PLEKHM3: variants seen among roughly 807,000 people sequenced by gnomAD.
PLEKHM3 encodes pleckstrin homology domain-containing family M member 3.
Under a neutral mutation model 81.8 loss-of-function variants are expected in PLEKHM3, and 45 were observed. The ratio of observed to expected loss-of-function variants is 0.55; its 90% CI spans 0.43 to 0.71. PLEKHM3 has a LOEUF of 0.71. PLEKHM3 is among the 30% of genes least tolerant of loss of function. PLEKHM3 has a pLI of 0.00. For synonymous variants in PLEKHM3, 352 were observed against 356.4 expected, an observed-to-expected ratio of 0.99 and a Z score of 0.14; for missense variants, 788 against 924.3, an observed-to-expected ratio of 0.85 and a Z score of 1.91.
Position 208,001,577 on chromosome 2 carries a change from AC to A in PLEKHM3, c.62del (p.Ser21IlefsTer7). The A allele has an allele frequency of 6.2e-7, 1 of 1,614,202 alleles. No individual in the cohort carries two copies. Among genetic ancestry groups the A allele is most frequent in the Non-Finnish European group, 8.5e-7 (1 of 1,180,028 alleles). Reference protein sequence around the residue: ...PALEVTEEFFSTLDSNLEKAV... With the variant: ...PALEVTEEFFXTLDSNLEKAV... Reference sequence around the variant, plus strand: ...CCTTTTCTAGATTACTATCCAAAGTACTAAAGAATTCCTCCGTAACTTCTAA... The same window carrying A: ...CCTTTTCTAGATTACTATCCAAAGTATAAAGAATTCCTCCGTAACTTCTAA... On this transcript the variant is annotated frameshift_variant, in exon 2 of 8. Coordinates refer to ENST00000427836, the MANE Select transcript of PLEKHM3 (RefSeq NM_001080475.3). LOFTEE classifies it high-confidence loss of function.
At position 207,865,795 on chromosome 2, in the gene PLEKHM3, A is replaced by T. The variant is rs1448258453; in HGVS notation, c.1951-4533T>A. On this transcript the variant is annotated intron_variant, in intron 6 of 7. Transcript: ENST00000427836. ...AAACTCCGACTCAAAAAAAAAAAAA[A>T]AAAAAAAGATATATATATATATATA... 1.2e-3 allele frequency among the ~76,000 whole-genome samples: 44 copies of T among 37,666 alleles called. 3 individuals are homozygous for T. Among genetic ancestry groups the T allele is most frequent in the African/African-American group, 5.9e-3 (40 of 6,742 alleles). The allele number at this position is 37,666 out of a possible 152,430, so 24.7% of individuals were successfully genotyped here. A position where few individuals can be genotyped will look rare whatever the true frequency, so the allele number is the denominator to read the frequency against.
chr2:207,869,342 T>G (rs957869438), intron 6 of PLEKHM3, among the ~76,000 whole-genome samples: 1 of 152,140 alleles, frequency 6.6e-6, no homozygotes, highest in Non-Finnish European at 1.5e-5. Flanking sequence ...AGGAAACGTG[T>G]AGCTCTTCCC....
intron 3 of PLEKHM3, among the ~76,000 whole-genome samples, chr2:207,954,310 T>C (rs1276727165): frequency 6.6e-6 from 1 of 152,150 alleles, no homozygotes; most frequent in Non-Finnish European, 1.5e-5. Context: ...GAGCTATTAT[T>C]GTACCACTGC....
chr2:207,935,622 T>C (rs553758271), intron 4 of PLEKHM3, among the ~76,000 whole-genome samples: 31 of 152,310 alleles, frequency 2.0e-4, no homozygotes, highest in Non-Finnish European at 4.1e-4. Flanking sequence ...CTGTATTTAA[T>C]AGAAGAGAAA....
chr2:207,855,114 G>C (rs929282881), intron 7 of PLEKHM3, among the ~76,000 whole-genome samples: 2 of 152,062 alleles, frequency 1.3e-5, no homozygotes, highest in African/African-American at 4.8e-5. Flanking sequence ...AGAAACCAAG[G>C]CTCCCTGGAC....
At chr2:208,012,265 C>G (rs1692728496) in intron 1 of PLEKHM3, among the ~76,000 whole-genome samples, 1 of 152,056 alleles carries the variant, frequency 6.6e-6, no homozygotes. Context: ...GGATGGTTTC[C>G]ATCTCCTGAG....
Position 207,828,269 on chromosome 2 carries a change from G to C in PLEKHM3, c.*50C>G. ...CTGGCTAGTTAGGAGGCCGCTCTGGGGCTGATGGATTGTTGATTGGTGAAT... is the reference window on the plus strand; with the variant it reads ...CTGGCTAGTTAGGAGGCCGCTCTGGCGCTGATGGATTGTTGATTGGTGAAT... On this transcript the variant is annotated 3_prime_UTR_variant, in exon 8 of 8. Coordinates refer to ENST00000427836, the MANE Select transcript of PLEKHM3 (RefSeq NM_001080475.3). The C allele has an allele frequency of 3.2e-6, 5 of 1,575,038 alleles. No individual in the cohort carries two copies. The highest frequency in any genetic ancestry group is 1.4e-5 in the African/African-American group (1 of 73,950).
chr2:207,968,081 C>T (rs772578653), intron 3 of PLEKHM3, among the ~76,000 whole-genome samples: 1 of 151,844 alleles, frequency 6.6e-6, no homozygotes, highest in Non-Finnish European at 1.5e-5. Flanking sequence ...CCCAAGTTAA[C>T]AGAGATTGTA....
intron 5 of PLEKHM3, among the ~76,000 whole-genome samples, chr2:207,912,086 G>A (rs1309692773): frequency 2.0e-5 from 3 of 152,166 alleles, no homozygotes; most frequent in African/African-American, 7.2e-5. Context: ...ATCGTGCTAC[G>A]TGCTGGAGAT....
chr2:207,895,152 C>T (rs1341084349), intron 6 of PLEKHM3, among the ~76,000 whole-genome samples: 3 of 152,184 alleles, frequency 2.0e-5, no homozygotes. Context: ...AAAGGATAAA[C>T]TGTTGCTGTC....
chr2:207,823,159 G>C lies in PLEKHM3; in HGVS notation c.*5160C>G, dbSNP rs992282668. The C allele has an allele frequency of 2.6e-5, 4 of 152,152 alleles. No individual in the cohort carries two copies. Among genetic ancestry groups the C allele is most frequent in the Admixed American group, 2.6e-4 (4 of 15,270 alleles). 9.4% of individuals were successfully genotyped at this position (152,152 alleles called of 1,614,324 possible). On this transcript the variant is annotated 3_prime_UTR_variant, in exon 8 of 8. Transcript: ENST00000427836. ...ATTCAAAGTCTTGTCTTTCTAACAA[G>C]ACGAACAGGCAGTGGCTTCTCTTTT...
Position 208,016,411 on chromosome 2 carries a change from A to G in PLEKHM3, c.-319+8978T>C, listed in dbSNP as rs564983827. ...TATAATCCCAGCACTTTGGGGGGAGATGGTGGCAGGTGGATCTCCTGAGCT... is the reference window on the plus strand; with the variant it reads ...TATAATCCCAGCACTTTGGGGGGAGGTGGTGGCAGGTGGATCTCCTGAGCT... On this transcript the variant is annotated intron_variant, in intron 1 of 7. Coordinates refer to ENST00000427836, the MANE Select transcript of PLEKHM3 (RefSeq NM_001080475.3). Among the ~76,000 whole-genome samples the G allele has an allele frequency of 2.6e-3, 397 of 151,558 alleles. 2 individuals are homozygous for G. The highest frequency in any genetic ancestry group is 9.0e-3 in the African/African-American group (374 of 41,340).
intron 4 of PLEKHM3, among the ~76,000 whole-genome samples, chr2:207,940,954 CATATTT>C (rs1329349169): frequency 6.6e-6 from 1 of 152,154 alleles, no homozygotes; most frequent in Non-Finnish European, 1.5e-5. Context: ...TATTCATATT[CATATTT>C]CATAACTTCA....
At chr2:207,936,631 T>TA (rs1689761241) in intron 4 of PLEKHM3, among the ~76,000 whole-genome samples, 1 of 152,084 alleles carries the variant, frequency 6.6e-6, no homozygotes, top group South Asian at 2.1e-4. Context: ...ACAAAGAGCA[T>TA]ACGACCCTAA....
intron 1 of PLEKHM3, among the ~76,000 whole-genome samples, chr2:208,005,994 G>A (rs1692482148): frequency 6.6e-6 from 1 of 152,008 alleles, no homozygotes; most frequent in Non-Finnish European, 1.5e-5. Flanking sequence ...TTCCTAGTCG[G>A]TCAGGCTCTC....
At chr2:208,004,692 T>C (rs934938712) in intron 1 of PLEKHM3, among the ~76,000 whole-genome samples, 9 of 152,172 alleles carry the variant, frequency 5.9e-5, no homozygotes, top group Non-Finnish European at 8.8e-5. Context: ...GACAACTCTC[T>C]CCTTAGGTAA....
chr2:207,942,362 A>C lies in PLEKHM3; in HGVS notation c.1692+4005T>G, dbSNP rs576965275. 5.3e-5 allele frequency among the ~76,000 whole-genome samples: 8 copies of C among 152,146 alleles called. No homozygotes were observed. In the East Asian group the frequency reaches 1.4e-3, roughly 26 times the overall value. On this transcript the variant is annotated intron_variant, in intron 4 of 7. Transcript: ENST00000427836. ...GACTCTTTTACAAAAAAATACAAAAATTAGTCGGATGTAGTGATGTGCACC... is the reference window on the plus strand; with the variant it reads ...GACTCTTTTACAAAAAAATACAAAACTTAGTCGGATGTAGTGATGTGCACC...
intron 7 of PLEKHM3, among the ~76,000 whole-genome samples, chr2:207,839,740 A>T (rs1336165611): frequency 1.3e-5 from 2 of 152,132 alleles, no homozygotes; most frequent in Non-Finnish European, 2.9e-5. Flanking sequence ...GACCTGGGCA[A>T]CATAGGGAGA....
In PLEKHM3 at chr2:207,826,074, A is replaced by T. The variant is rs1301534240; in HGVS notation, c.*2245T>A. 1 of 152,192 alleles carries T rather than the reference A, an allele frequency of 6.6e-6. No individual in the cohort carries two copies. The highest frequency in any genetic ancestry group is 2.4e-5 in the African/African-American group (1 of 41,432). The allele number at this position is 152,192 out of a possible 1,614,324, so 9.4% of individuals were successfully genotyped here. ...GATGGCACTGCACTTCAGGTCTCCAAATGCAGTGTGCTAGGAATGGCCTCG... is the reference window on the plus strand; with the variant it reads ...GATGGCACTGCACTTCAGGTCTCCATATGCAGTGTGCTAGGAATGGCCTCG... On this transcript the variant is annotated 3_prime_UTR_variant, in exon 8 of 8. Transcript: ENST00000427836.
Sources: allele counts gnomAD v4.1 joint callset (sites outside exome capture counted in the v4.1 genomes callset), GRCh38; gene constraint gnomAD v4.1.1; transcripts MANE v1.5; gene names NCBI Gene and HGNC (gene_info 2026-07-23, HGNC 2026-07-21).